SUGCT: variants seen among roughly 807,000 people sequenced by gnomAD.
The protein encoded by SUGCT is succinyl-CoA:glutarate CoA-transferase.
Under a neutral mutation model 55.0 loss-of-function variants are expected in SUGCT, and 41 were observed. That is an observed-to-expected ratio of 0.74 (90% CI 0.58 to 0.97). The LOEUF is 0.97. Among genes scored for constraint, SUGCT ranks in the 50% least tolerant of loss-of-function variants. SUGCT has a pLI of 0.00. For missense variants in SUGCT, 568 were observed against 547.8 expected (o/e 1.04, Z -0.37); for synonymous variants, 187 against 200.4 (o/e 0.93, Z 0.56).
At chr7:40,315,195 T>G (rs930047727) in intron 8 of SUGCT, among the ~76,000 whole-genome samples, 2 of 152,174 alleles carry the variant, frequency 1.3e-5, no homozygotes, top group Non-Finnish European at 2.9e-5. Flanking sequence ...GAAGGTAAAT[T>G]ACATACCCAC....
intron 11 of SUGCT, among the ~76,000 whole-genome samples, chr7:40,480,432 A>G (rs1049883981): frequency 2.0e-5 from 3 of 152,006 alleles, no homozygotes; most frequent in African/African-American, 7.2e-5. Context: ...TTTGTGATCT[A>G]TTTTGAAATT....
intron 6 of SUGCT, among the ~76,000 whole-genome samples, chr7:40,224,432 A>G (rs868643519): frequency 1.4e-4 from 19 of 133,496 alleles, no homozygotes; most frequent in African/African-American, 4.3e-4. Flanking sequence ...GTGTGTGTGC[A>G]TGCATGTGTA....
chr7:40,480,733 A>AT (rs568998777), intron 11 of SUGCT, among the ~76,000 whole-genome samples: 13 of 151,388 alleles, frequency 8.6e-5, no homozygotes, highest in Admixed American at 1.3e-4. Context: ...TTTCTGGTTG[A>AT]TTTTTTTTCC....
At chr7:40,661,155 C>G (rs906322800) in intron 12 of SUGCT, among the ~76,000 whole-genome samples, 18 of 152,264 alleles carry the variant, frequency 1.2e-4, no homozygotes, top group African/African-American at 4.1e-4. Context: ...TCATTTCACA[C>G]CTTCTCCAGT....
intron 1 of SUGCT, among the ~76,000 whole-genome samples, chr7:40,138,879 C>T (rs1787833160): frequency 6.6e-6 from 1 of 152,000 alleles, no homozygotes; most frequent in Admixed American, 6.6e-5. Flanking sequence ...TTTTGTTTCC[C>T]TAGAGTCTTG....
chr7:40,653,029 A>C, intron 12 of SUGCT, among the ~76,000 whole-genome samples: 1 of 152,148 alleles, frequency 6.6e-6, no homozygotes, highest in East Asian at 1.9e-4. Context: ...ATGCCTGTTC[A>C]CTTTTTAGGA....
chr7:40,599,794 C>T (rs906637636), intron 12 of SUGCT, among the ~76,000 whole-genome samples: 5 of 152,108 alleles, frequency 3.3e-5, no homozygotes, highest in African/African-American at 1.2e-4. Context: ...CTCTAGCTCC[C>T]CTTACTGGAG....
the SUGCT span, among the ~76,000 whole-genome samples, chr7:40,866,523 T>A: frequency 6.7e-6 from 1 of 150,356 alleles, no homozygotes; most frequent in Non-Finnish European, 1.5e-5. Flanking sequence ...TAGCCGAACG[T>A]GCTTGCAATG....
At chr7:41,038,297 C>T in the SUGCT span, among the ~76,000 whole-genome samples, 10 of 152,340 alleles carry the variant, frequency 6.6e-5, no homozygotes, top group South Asian at 2.1e-3. Context: ...CAGCTGATGC[C>T]TGCTGTGTAT....
the SUGCT span, among the ~76,000 whole-genome samples, chr7:40,897,999 T>A: frequency 6.6e-6 from 1 of 152,076 alleles, no homozygotes; most frequent in Admixed American, 6.5e-5. Flanking sequence ...CCCGCTCAGG[T>A]TCCCTTCCGG....
Position 40,599,754 on chromosome 7 carries a change from C to A in SUGCT, c.1089+103368C>A, listed in dbSNP as rs1798197901. Among the ~76,000 whole-genome samples, 5 of 152,030 alleles carry A rather than the reference C, an allele frequency of 3.3e-5. No homozygotes were observed. The South Asian group carries it at 1.0e-3, about 32-fold the overall frequency. On this transcript the variant is annotated intron_variant, in intron 12 of 13. Coordinates refer to ENST00000335693, the MANE Select transcript of SUGCT (RefSeq NM_001193313.2). ...GTGTAACTCTGGGCCTCTAGCTATACCTTCAAGCAGTCCTTTCTTATTTTC... is the reference window on the plus strand; with the variant it reads ...GTGTAACTCTGGGCCTCTAGCTATAACTTCAAGCAGTCCTTTCTTATTTTC...
intron 8 of SUGCT, among the ~76,000 whole-genome samples, chr7:40,311,186 A>G (rs1795127214): frequency 1.3e-5 from 2 of 152,124 alleles, no homozygotes; most frequent in African/African-American, 4.8e-5. Flanking sequence ...CTGCCCATAC[A>G]ACCTTTCACA....
intron 12 of SUGCT, among the ~76,000 whole-genome samples, chr7:40,674,021 CT>C (rs2151875092): frequency 6.6e-6 from 1 of 152,246 alleles, no homozygotes; most frequent in South Asian, 2.1e-4. Flanking sequence ...AGACTTTACA[CT>C]TTTAAAAGCT....
intron 6 of SUGCT, among the ~76,000 whole-genome samples, chr7:40,220,346 C>T (rs562912509): frequency 3.9e-5 from 6 of 152,298 alleles, no homozygotes; most frequent in Non-Finnish European, 5.9e-5. Context: ...TATTTATATG[C>T]ATCTGATACA....
At chr7:40,544,345 G>C (rs74351306) in intron 12 of SUGCT, among the ~76,000 whole-genome samples, 1,647 of 152,238 alleles carry the variant, frequency 0.011, 20 homozygotes, top group African/African-American at 0.037. Flanking sequence ...TGTGCCGCAA[G>C]TGGGTGTGTG....
chr7:40,377,150 CTTT>C (rs1784596975), intron 9 of SUGCT, among the ~76,000 whole-genome samples: 3 of 14,798 alleles, frequency 2.0e-4, no homozygotes, highest in African/African-American at 3.3e-4. Context: ...TTCTTTCTTT[CTTT>C]CTTTCTTTCT....
the SUGCT span, among the ~76,000 whole-genome samples, chr7:40,975,713 T>G: frequency 6.6e-6 from 1 of 152,188 alleles, no homozygotes; most frequent in Non-Finnish European, 1.5e-5. Context: ...GTTCTACCTA[T>G]ATTTTCTTGG....
Position 40,278,124 on chromosome 7 carries a change from G to A in SUGCT, c.720+3468G>A, listed in dbSNP as rs533393287. Reference sequence around the variant, plus strand: ...TTGGGTTGGTTCGGGCAAAGGATATGAACAGACACTTCTCAAAAGAAGACA... The same window carrying A: ...TTGGGTTGGTTCGGGCAAAGGATATAAACAGACACTTCTCAAAAGAAGACA... On this transcript the variant is annotated intron_variant, in intron 8 of 13. Coordinates refer to ENST00000335693, the MANE Select transcript of SUGCT (RefSeq NM_001193313.2). 2.0e-5 allele frequency among the ~76,000 whole-genome samples: 3 copies of A among 152,218 alleles called. No homozygotes were observed. In the South Asian group the frequency reaches 6.2e-4, roughly 32 times the overall value.
chr7:40,644,733 G>A (rs1215274160), intron 12 of SUGCT, among the ~76,000 whole-genome samples: 2 of 152,156 alleles, frequency 1.3e-5, no homozygotes, highest in African/African-American at 2.4e-5. Flanking sequence ...CGAATTCCGT[G>A]TGCAGGAGGA....
Sources: gnomAD v4.1 joint callset for allele counts (sites outside exome capture counted in the v4.1 genomes callset) on GRCh38, gnomAD v4.1.1 for gene constraint, MANE v1.5 for transcripts, NCBI Gene and HGNC (gene_info 2026-07-23, HGNC 2026-07-21) for gene names.